Variants in ASAP1 observed in about 807,000 individuals in gnomAD.
ASAP1 encodes the protein arf-GAP with SH3 domain, ANK repeat and PH domain-containing protein 1.
ASAP1 carries 43 observed loss-of-function variants against 145.2 expected under a neutral mutation model. The ratio of observed to expected loss-of-function variants is 0.30; its 90% confidence interval spans 0.23 to 0.38. The LOEUF (loss-of-function observed/expected upper bound fraction) is 0.38. ASAP1 is among the 10% of genes least tolerant of loss of function. The probability of loss-of-function intolerance (pLI) is 1.00; values close to 1 mark genes in which losing one functional copy is unlikely to be tolerated. For synonymous variants in ASAP1, 546 were observed against 515.5 expected (o/e 1.06, Z -0.80); for missense variants, 1,018 against 1,355.3 (o/e 0.75, Z 3.91).
At position 130,097,433 on chromosome 8, in the gene ASAP1, G is replaced by A. The variant is rs74666986; in HGVS notation, c.2402-5290C>T. ...CCATCCCTGACCCTGGCTATGCCTG[G>A]GTCCCTTCCCACATCTCCAACAGCC... is the stretch of plus-strand genomic sequence containing the variant. On this transcript the variant is annotated intron_variant, in intron 24 of 29. Coordinates refer to ENST00000518721, the MANE Select transcript of ASAP1 (RefSeq NM_018482.4). 2.5e-3 allele frequency among the ~76,000 whole-genome samples: 381 copies of A among 152,110 alleles called. 7 individuals are homozygous for A. The East Asian group carries it at 0.035, about 14-fold the overall frequency.
In ASAP1 at chr8:130,331,648, A is replaced by C. The variant is rs556042034; in HGVS notation, c.186+26369T>G. 1.5e-4 allele frequency among the ~76,000 whole-genome samples: 23 copies of C among 152,322 alleles called. No homozygotes were observed. In the South Asian group the frequency reaches 4.4e-3, roughly 29 times the overall value. On this transcript the variant is annotated intron_variant, in intron 3 of 29. Transcript: ENST00000518721. ...GTTATCATGAGAAAAGTATTAGATA[A>C]ACATGTAAAGAGTTTAGCACAGTAC...
In ASAP1 at chr8:130,079,897, C is replaced by T. The variant is rs895023337; in HGVS notation, c.2642+5G>A. The T allele has an allele frequency of 6.2e-7, 1 of 1,613,676 alleles. No homozygotes were observed. Among genetic ancestry groups the T allele is most frequent in the Non-Finnish European group, 8.5e-7 (1 of 1,179,676 alleles). ...CAGGGGAAATGAAGCGCTGAGATGG[C>T]TTACCTCGACTGCTGGGATAGTCCC... On this transcript the variant is annotated splice_donor_5th_base_variant and intron_variant, in intron 26 of 29. Coordinates refer to ENST00000518721, the MANE Select transcript of ASAP1 (RefSeq NM_018482.4).
rs762635077 is a variant in ASAP1, at chr8:130,054,745, T to A, written c.3376A>T (p.Ile1126Phe). 6.2e-7 allele frequency: 1 copy of A among 1,613,474 alleles called. No homozygotes were observed. The highest frequency in any genetic ancestry group is 1.3e-5 in the African/African-American group (1 of 74,900). ...TCTGCGTTTTGCTAGTCAGACAGGA[T>A]ATGAACAAAGGACACTGGAAAGACC... ...KGVFPVSFVH[I>F]LSD The change falls in exon 30 of 30, where the codon ATC (isoleucine) becomes TTC (phenylalanine). Residue 1126 changes from isoleucine (I) to phenylalanine (F), a missense_variant. Coordinates refer to ENST00000518721, the MANE Select transcript of ASAP1 (RefSeq NM_018482.4).
chr8:130,174,516 A>T (rs16904207), intron 9 of ASAP1, among the ~76,000 whole-genome samples: 8,813 of 152,236 alleles, frequency 0.058, 865 homozygotes, highest in African/African-American at 0.2. Flanking sequence ...TCACCGCACT[A>T]TTATACACAA....
chr8:130,195,299 G>C (rs7014892), intron 5 of ASAP1: 43 of 150,964 alleles, frequency 2.8e-4, no homozygotes, highest in African/African-American at 9.7e-4. Flanking sequence ...AATTGGCGGG[G>C]GCCAAGGTGT....
At chr8:130,429,735 T>C (rs561390906) in intron 1 of ASAP1, among the ~76,000 whole-genome samples, 2 of 152,308 alleles carry the variant, frequency 1.3e-5, no homozygotes, top group East Asian at 1.9e-4. Flanking sequence ...AACTTTCAAC[T>C]TGTTCCAGAA....
chr8:130,147,198 CAAAAAAAAAAAAAAAA>C (rs559149769), intron 13 of ASAP1, among the ~76,000 whole-genome samples: 1 of 63,370 alleles, frequency 1.6e-5, no homozygotes, highest in Admixed American at 2.6e-4. Context: ...AATGCAGTCT[CAAAAAAAAAAAAAAAA>C]AAAAAAAAAA....
Position 130,125,949 on chromosome 8 carries a change from T to C in ASAP1, c.1515+7A>G, listed in dbSNP as rs559744971. 1 of 1,608,192 alleles carries C rather than the reference T, an allele frequency of 6.2e-7. No homozygotes were observed. On this transcript the variant is annotated splice_region_variant and intron_variant, in intron 17 of 29. Coordinates refer to ENST00000518721, the MANE Select transcript of ASAP1 (RefSeq NM_018482.4). ...ATCATTCTTCCCAAGTACAGGTCAC[T>C]ACTTACCAAGAGTTCAGAAGTTCCT...
intron 1 of ASAP1, among the ~76,000 whole-genome samples, chr8:130,413,939 T>A (rs1246582035): frequency 6.6e-6 from 1 of 152,224 alleles, no homozygotes; most frequent in African/African-American, 2.4e-5. Flanking sequence ...ACTCCAACAG[T>A]TGCCTATGAG....
Position 130,118,445 on chromosome 8 carries a change from T to C in ASAP1, c.1794+44A>G, listed in dbSNP as rs573734754. The C allele has an allele frequency of 8.3e-6, 13 of 1,562,766 alleles. No individual in the cohort carries two copies. In the South Asian group the frequency reaches 1.4e-4, roughly 17 times the overall value. The stretch of plus-strand genomic sequence containing the variant: ...TAAAATAAGTCACCTTTTAAACTGA[T>C]TTTCCACATTACTTTTTATCCAATG... On this transcript the variant is annotated intron_variant, in intron 19 of 29. Coordinates refer to ENST00000518721, the MANE Select transcript of ASAP1 (RefSeq NM_018482.4).
intron 2 of ASAP1, among the ~76,000 whole-genome samples, chr8:130,384,413 G>A (rs1288509816): frequency 6.6e-6 from 1 of 152,176 alleles, no homozygotes; most frequent in Non-Finnish European, 1.5e-5. Flanking sequence ...CTTACTCAGA[G>A]AACCCCACTG....
At chr8:130,187,400 C>T in intron 6 of ASAP1, 115 bp from the exon 7 acceptor site, 1 of 806,398 alleles carries the variant, frequency 1.2e-6, no homozygotes. Flanking sequence ...CTGGGAACTT[C>T]ACTTTATGCA....
intron 2 of ASAP1, among the ~76,000 whole-genome samples, chr8:130,388,754 C>T (rs1326461702): frequency 6.6e-6 from 1 of 152,098 alleles, no homozygotes; most frequent in African/African-American, 2.4e-5. Flanking sequence ...GCTGAGTTGA[C>T]TTACAGATTA....
intron 27 of ASAP1, among the ~76,000 whole-genome samples, chr8:130,075,759 G>A (rs1022959966): frequency 1.7e-4 from 26 of 152,302 alleles, no homozygotes; most frequent in African/African-American, 6.0e-4. Flanking sequence ...CAGTCAAAGA[G>A]CTGAGTGTCT....
intron 26 of ASAP1, among the ~76,000 whole-genome samples, chr8:130,079,175 A>G (rs950272381): frequency 2.0e-5 from 3 of 152,232 alleles, no homozygotes; most frequent in Non-Finnish European, 4.4e-5. Context: ...AGTCTGGGTG[A>G]CAGAGAAAGG....
chr8:130,387,658 G>GA (rs35915232), intron 2 of ASAP1, among the ~76,000 whole-genome samples: 7,859 of 107,420 alleles, frequency 0.073, 252 homozygotes, highest in Middle Eastern at 0.1. Flanking sequence ...CTCCATCTCA[G>GA]AAAAAAAAAA....
Position 130,179,314 on chromosome 8 carries a change from C to G in ASAP1, c.696G>C (p.Lys232Asn). Residue 232 changes from lysine (K) to asparagine (N), a missense_variant, in exon 9 of 30, where the codon AAG becomes AAC. Physicochemically the swap from Lys to Asn is moderately conservative, Grantham distance 94 (BLOSUM62 0). This residue lies in a region of ASAP1 where 78 missense variants were observed against 161.0 expected (regional missense o/e 0.48). Coordinates refer to ENST00000518721, the MANE Select transcript of ASAP1 (RefSeq NM_018482.4). ...LIKVNEIKTK[K>N]GVDLLQNLIK... ...TAAGATTCTGCAGCAGATCCACACC[C>G]TTTTTGGTCTTGATTTCATTAACTT... The G allele has an allele frequency of 6.2e-7, 1 of 1,610,092 alleles. No homozygotes were observed. Among genetic ancestry groups the G allele is most frequent in the Non-Finnish European group, 8.5e-7 (1 of 1,176,376 alleles).
chr8:130,376,429 T>TA (rs2138342127), intron 2 of ASAP1, among the ~76,000 whole-genome samples: 1 of 77,418 alleles, frequency 1.3e-5, no homozygotes, highest in South Asian at 4.2e-4. Context: ...CTTGCTTCCT[T>TA]AAAAACAAAA....
chr8:130,111,397 T>G (rs1564970903), intron 24 of ASAP1, among the ~76,000 whole-genome samples: 1 of 152,082 alleles, frequency 6.6e-6, no homozygotes, highest in African/African-American at 2.4e-5. Flanking sequence ...AAAATGTTCC[T>G]TATTAGAGAG....
Sources: allele counts gnomAD v4.1 joint callset (sites outside exome capture counted in the v4.1 genomes callset), GRCh38; gene constraint gnomAD v4.1.1; regional missense constraint gnomAD v4.1.1; transcripts MANE v1.5; gene names NCBI Gene and HGNC (gene_info 2026-07-23, HGNC 2026-07-21).